Variants in WDR41 observed in about 807,000 individuals in gnomAD.
WDR41 encodes WD repeat domain 41, also known as WD repeat-containing protein 41.
WDR41 carries 63 observed loss-of-function variants against 69.3 expected under a neutral mutation model. The observed-to-expected ratio is 0.91, with a 90% CI of 0.74 to 1.12. WDR41 has a LOEUF of 1.12. Among genes scored for constraint, WDR41 ranks in the 50% most tolerant of loss-of-function variants. The pLI, the probability that WDR41 is intolerant of heterozygous loss-of-function variation, is 0.00. For synonymous variants in WDR41, 185 were observed against 192.1 expected, an observed-to-expected ratio of 0.96 and a Z score of 0.31; for missense variants, 543 against 534.5, an observed-to-expected ratio of 1.02 and a Z score of -0.16.
chr5:77,517,043 GA>G, intron 1 of WDR41, among the ~76,000 whole-genome samples: 1 of 150,712 alleles, frequency 6.6e-6, no homozygotes, highest in African/African-American at 2.4e-5. Flanking sequence ...AAAAGAAAAA[GA>G]AAAAATAAAA....
chr5:77,560,654 T>C (rs1743506598), intron 1 of WDR41, among the ~76,000 whole-genome samples: 1 of 152,170 alleles, frequency 6.6e-6, no homozygotes, highest in Non-Finnish European at 1.5e-5. Context: ...GCCGATTTCT[T>C]TTCAAGGTTT....
intron 6 of WDR41, 73 bp downstream of exon 6, chr5:77,453,744 A>C: frequency 1.6e-6 from 2 of 1,242,660 alleles, no homozygotes; most frequent in Non-Finnish European, 2.3e-6. Flanking sequence ...CTACTTATGG[A>C]AAGTCTCTCT....
intron 1 of WDR41, among the ~76,000 whole-genome samples, chr5:77,605,306 C>T (rs1455089411): frequency 6.6e-6 from 1 of 152,182 alleles, no homozygotes; most frequent in African/African-American, 2.4e-5. Context: ...TGACCTTCTC[C>T]CTACCACTCC....
At chr5:77,477,149 T>A (rs1800979267) in intron 2 of WDR41, among the ~76,000 whole-genome samples, 1 of 147,562 alleles carries the variant, frequency 6.8e-6, no homozygotes, top group Admixed American at 6.6e-5. Flanking sequence ...ATGCACCCAA[T>A]ACAGGAGCAC....
chr5:77,512,150 C>T (rs956462013), intron 1 of WDR41, among the ~76,000 whole-genome samples: 1 of 152,074 alleles, frequency 6.6e-6, no homozygotes, highest in Non-Finnish European at 1.5e-5. Flanking sequence ...GGATTCTCAA[C>T]CTTGCTGCAC....
intron 1 of WDR41, among the ~76,000 whole-genome samples, chr5:77,519,669 T>C (rs1802343799): frequency 6.6e-6 from 1 of 151,968 alleles, no homozygotes. Context: ...AAAAATATTT[T>C]TTAAAAATCA....
At chr5:77,583,539 C>G (rs566746658) in intron 1 of WDR41, among the ~76,000 whole-genome samples, 2 of 151,486 alleles carry the variant, frequency 1.3e-5, no homozygotes, top group Non-Finnish European at 2.9e-5. Context: ...AAGCTACCCA[C>G]GTATACGTTT....
chr5:77,489,180 A>G (rs961620714), intron 2 of WDR41, among the ~76,000 whole-genome samples: 2 of 152,156 alleles, frequency 1.3e-5, no homozygotes, highest in Admixed American at 1.3e-4. Context: ...TTAAAGTCAT[A>G]CACTTCTTTT....
chr5:77,603,829 G>A (rs996100382), intron 1 of WDR41, among the ~76,000 whole-genome samples: 1 of 152,102 alleles, frequency 6.6e-6, no homozygotes, highest in African/African-American at 2.4e-5. Context: ...ATTGAAGAGG[G>A]TGTCCTTTCC....
upstream of WDR41, among the ~76,000 whole-genome samples, chr5:77,494,740 AATAG>A (rs1309412084): frequency 1.3e-5 from 2 of 152,308 alleles, no homozygotes; most frequent in Admixed American, 6.5e-5. Context: ...CACTTTCAAT[AATAG>A]ATAGAACAAC....
At chr5:77,567,577 C>T (rs954021844) in intron 1 of WDR41, among the ~76,000 whole-genome samples, 5 of 147,074 alleles carry the variant, frequency 3.4e-5, no homozygotes, top group East Asian at 2.0e-4. Flanking sequence ...ACTGCATCAA[C>T]AGAACTATTT....
chr5:77,582,914 G>C, intron 1 of WDR41: 1 of 1,609,538 alleles, frequency 6.2e-7, no homozygotes, highest in Non-Finnish European at 8.5e-7. Flanking sequence ...CGATCTCTTG[G>C]TAAATACGGC....
chr5:77,500,290 C>T (rs191673568), intron 1 of WDR41, among the ~76,000 whole-genome samples: 1 of 151,936 alleles, frequency 6.6e-6, no homozygotes, highest in East Asian at 1.9e-4. Flanking sequence ...ATTTAACATA[C>T]AATAACCAAA....
At position 77,553,358 on chromosome 5, in the gene WDR41, G is replaced by A. The variant is rs150108431; in HGVS notation, c.43-63786C>T. ...AATGCTGTGTTCTCAAATAGCTGAA[G>A]GGATGTAAAGGGCAAAAAGGGCCTA... On this transcript the variant is annotated intron_variant, in intron 1 of 5. Coordinates refer to the WDR41 transcript ENST00000509971. 3.8e-4 allele frequency among the ~76,000 whole-genome samples: 58 copies of A among 152,212 alleles called. No individual in the cohort carries two copies. In the South Asian group the frequency reaches 8.1e-3, roughly 21 times the overall value.
chr5:77,453,787 A>G, intron 6 of WDR41, 30 bp downstream of exon 6: 2 of 1,543,736 alleles, frequency 1.3e-6, no homozygotes, highest in Non-Finnish European at 1.8e-6. Context: ...TCTGTCAATC[A>G]TAGTTCAAAA....
At position 77,430,984 on chromosome 5, in the gene WDR41, G is replaced by C. The variant is rs551511083; in HGVS notation, c.*2151C>G. 6.6e-6 allele frequency: 1 copy of C among 152,266 alleles called. No homozygotes were observed. The highest frequency in any genetic ancestry group is 2.4e-5 in the African/African-American group (1 of 41,554). The allele number at this position is 152,266 out of a possible 1,614,324, so 9.4% of individuals were successfully genotyped here. A position where few individuals can be genotyped will look rare whatever the true frequency, so the allele number is the denominator to read the frequency against. On this transcript the variant is annotated 3_prime_UTR_variant, in exon 13 of 13. Coordinates refer to ENST00000296679, the MANE Select transcript of WDR41 (RefSeq NM_018268.4). The stretch of plus-strand genomic sequence containing the variant: ...CTTTAATAGATGAGAAGTTGCTTAA[G>C]AATGTGTATAGAAAGTGGTTTCTGG...
intron 1 of WDR41, among the ~76,000 whole-genome samples, chr5:77,552,237 T>C (rs1343324792): frequency 1.3e-5 from 2 of 151,716 alleles, no homozygotes; most frequent in East Asian, 1.9e-4. Context: ...TAAAAATCAA[T>C]TATAGTAACA....
rs2151277995 is a variant in WDR41 at position 77,432,368 on chromosome 5, A to AC, written c.*766_*767insG. 6.6e-6 allele frequency: 1 copy of AC among 152,506 alleles called. No individual in the cohort carries two copies. Among genetic ancestry groups the AC allele is most frequent in the Non-Finnish European group, 1.5e-5 (1 of 68,026 alleles). The allele number at this position is 152,506 out of a possible 1,614,324, so 9.4% of individuals were successfully genotyped here. Reference sequence around the variant, plus strand: ...AAGAAGTCTGTCTCAAGCAGTTCGTATTTGAGTCAGTGGTCAGATGGGGCA... The same window carrying AC: ...AAGAAGTCTGTCTCAAGCAGTTCGTACTTTGAGTCAGTGGTCAGATGGGGCA... On this transcript the variant is annotated 3_prime_UTR_variant, in exon 13 of 13. Transcript: ENST00000296679.
At chr5:77,461,149 G>T (rs1800033569) in intron 4 of WDR41, among the ~76,000 whole-genome samples, 1 of 151,754 alleles carries the variant, frequency 6.6e-6, no homozygotes, top group African/African-American at 2.4e-5. Context: ...TTCTATTTTT[G>T]CAAAGATTAC....
Sources: gnomAD v4.1 joint callset for allele counts (sites outside exome capture counted in the v4.1 genomes callset) on GRCh38, gnomAD v4.1.1 for gene constraint, MANE v1.5 for transcripts, NCBI Gene and HGNC (gene_info 2026-07-23, HGNC 2026-07-21) for gene names.